KCTD10: variants seen among roughly 807,000 people sequenced by gnomAD.
KCTD10 encodes the protein potassium channel tetramerization domain containing 10.
Under a neutral mutation model 34.6 loss-of-function variants are expected in KCTD10, and 13 were observed. The observed-to-expected ratio is 0.38, with a 90% CI of 0.24 to 0.60. The LOEUF (loss-of-function observed/expected upper bound fraction) is 0.60. Among genes scored for constraint, KCTD10 ranks in the 20% least tolerant of loss-of-function variants. The probability of loss-of-function intolerance (pLI) is 0.66; values close to 1 mark genes in which losing one functional copy is unlikely to be tolerated. For missense variants in KCTD10, 256 were observed against 420.3 expected (o/e 0.61, Z 3.42); for synonymous variants, 156 against 168.8 (o/e 0.92, Z 0.59).
Position 109,455,922 on chromosome 12 carries a change from G to A in KCTD10, c.723+196C>T, listed in dbSNP as rs574326502. Among the ~76,000 whole-genome samples the A allele has an allele frequency of 6.6e-4, 100 of 152,306 alleles. 1 individual carries two copies. The highest frequency in any genetic ancestry group is 2.5e-3 in the Admixed American group (38 of 15,290). ...TGGAAGGAAGCCAGCAAGGTAGGGA[G>A]CTAAAGGAATGCCAGATGAACCCTA... is the stretch of plus-strand genomic sequence containing the variant. On this transcript the variant is annotated intron_variant, in intron 6 of 6. Coordinates refer to ENST00000228495, the MANE Select transcript of KCTD10 (RefSeq NM_031954.5).
intron 2 of KCTD10, among the ~76,000 whole-genome samples, chr12:109,468,728 C>T (rs1873720782): frequency 6.6e-6 from 1 of 150,866 alleles, no homozygotes; most frequent in Non-Finnish European, 1.5e-5. Flanking sequence ...TCTCAGCTCA[C>T]TGCAAGCTCC....
intron 2 of KCTD10, among the ~76,000 whole-genome samples, chr12:109,461,587 C>T (rs531212106): frequency 1.3e-3 from 204 of 152,282 alleles, no homozygotes; most frequent in African/African-American, 4.8e-3. Flanking sequence ...AGCTGACATT[C>T]CTCCACCAGA....
intron 6 of KCTD10, among the ~76,000 whole-genome samples, chr12:109,452,533 C>T (rs1044060438): frequency 3.9e-5 from 6 of 152,210 alleles, no homozygotes; most frequent in Admixed American, 6.5e-5. Context: ...GGGTGGAATT[C>T]GGAGGTTCTG....
chr12:109,470,606 G>A, intron 1 of KCTD10: 1 of 985,328 alleles, frequency 1.0e-6, no homozygotes, highest in East Asian at 1.1e-4. Context: ...TGAATCTGGG[G>A]TAGCCCCCAC....
At chr12:109,452,206 A>G (rs1872807694) in intron 6 of KCTD10, among the ~76,000 whole-genome samples, 1 of 152,210 alleles carries the variant, frequency 6.6e-6, no homozygotes, top group African/African-American at 2.4e-5. Context: ...TAACCTAGAG[A>G]TCATTCTGTA....
At chr12:109,463,902 T>G (rs1201492217) in intron 2 of KCTD10, among the ~76,000 whole-genome samples, 1 of 152,214 alleles carries the variant, frequency 6.6e-6, no homozygotes, top group South Asian at 2.1e-4. Context: ...TCTTTCATCA[T>G]TATTGCTGGA....
In KCTD10 at chr12:109,460,439, G is replaced by A; in HGVS notation, c.387+197C>T. On this transcript the variant is annotated intron_variant, in intron 3 of 6. Coordinates refer to ENST00000228495, the MANE Select transcript of KCTD10 (RefSeq NM_031954.5). The surrounding 1 kb of genome is among the most constrained non-coding windows in gnomAD (Gnocchi z 4.5). ...TGGGGCTGCAAGGAGTGACACAGTA[G>A]TTAGGTGGCCTGCTGTTCCAGGGAG... 1.7e-6 allele frequency: 1 copy of A among 588,268 alleles called. No homozygotes were observed. 36.4% of individuals were successfully genotyped at this position (588,268 alleles called of 1,614,324 possible).
chr12:109,472,511 T>TA (rs36004776), intron 1 of KCTD10, among the ~76,000 whole-genome samples: 10,400 of 144,502 alleles, frequency 0.072, 558 homozygotes, highest in Admixed American at 0.19. Context: ...AGTTTTCACT[T>TA]AAAAAAAAAA....
At chr12:109,463,206 T>G (rs1990714) in intron 2 of KCTD10, among the ~76,000 whole-genome samples, 12,985 of 152,232 alleles carry the variant, frequency 0.085, 1,296 homozygotes, top group African/African-American at 0.24. Flanking sequence ...CTCAGCTGCT[T>G]GGGAAGACCC....
rs561260011 is a variant in KCTD10 at position 109,460,448 on chromosome 12, C to A, written c.387+188G>T. The A allele has an allele frequency of 4.2e-5, 25 of 594,682 alleles. No individual in the cohort carries two copies. In the East Asian group the frequency reaches 6.6e-4, roughly 16 times the overall value. 36.8% of individuals were successfully genotyped at this position (594,682 alleles called of 1,614,324 possible). ...AAGGAGTGACACAGTAGTTAGGTGGCCTGCTGTTCCAGGGAGGCCTCTCAG... is the reference window on the plus strand; with the variant it reads ...AAGGAGTGACACAGTAGTTAGGTGGACTGCTGTTCCAGGGAGGCCTCTCAG... On this transcript the variant is annotated intron_variant, in intron 3 of 6. Coordinates refer to ENST00000228495, the MANE Select transcript of KCTD10 (RefSeq NM_031954.5). This position sits in a 1 kb window ranked among gnomAD's most constrained non-coding sequence, Gnocchi z 4.5.
At chr12:109,454,485 T>C (rs1251721614) in intron 6 of KCTD10, among the ~76,000 whole-genome samples, 1 of 152,096 alleles carries the variant, frequency 6.6e-6, no homozygotes, top group East Asian at 1.9e-4. Context: ...TCCCAACACT[T>C]TGGGAGGCCA....
At chr12:109,471,017 AC>A in intron 1 of KCTD10, 1 of 619,498 alleles carries the variant, frequency 1.6e-6, no homozygotes. Flanking sequence ...GTTCTTCCCC[AC>A]CCCAATGCAA....
chr12:109,473,052 G>A (rs1873965245), intron 1 of KCTD10, among the ~76,000 whole-genome samples: 1 of 152,138 alleles, frequency 6.6e-6, no homozygotes, highest in East Asian at 1.9e-4. Context: ...TTCAAACAAT[G>A]CTGGAAGACA....
At chr12:109,468,566 G>T (rs1162133083) in intron 2 of KCTD10, among the ~76,000 whole-genome samples, 1 of 152,118 alleles carries the variant, frequency 6.6e-6, no homozygotes, top group African/African-American at 2.4e-5. Context: ...AGCCAGGTAA[G>T]GATGGAGCCC....
At chr12:109,468,329 C>A (rs139231135) in intron 2 of KCTD10, among the ~76,000 whole-genome samples, 98 of 152,264 alleles carry the variant, frequency 6.4e-4, no homozygotes, top group African/African-American at 2.3e-3. Flanking sequence ...CTGTGGGACA[C>A]CAGGCTTAGG....
At chr12:109,456,081 G>T (rs1873003660) in intron 6 of KCTD10, 37 bp downstream of exon 6, 1 of 1,600,210 alleles carries the variant, frequency 6.2e-7, no homozygotes, top group South Asian at 1.1e-5. Context: ...GTGTGTTTCA[G>T]AACAGCCACT....
chr12:109,470,373 C>T, intron 1 of KCTD10: 4 of 985,558 alleles, frequency 4.1e-6, no homozygotes, highest in Non-Finnish European at 4.8e-6. Flanking sequence ...AAAATTAGAC[C>T]TCCTAGACTA....
intron 1 of KCTD10, among the ~76,000 whole-genome samples, chr12:109,472,247 ATT>A (rs1246609553): frequency 6.6e-6 from 1 of 152,074 alleles, no homozygotes; most frequent in East Asian, 1.9e-4. Flanking sequence ...GTACAAAAAT[ATT>A]TTCTTTCTTT....
chr12:109,455,740 G>T lies in KCTD10; in HGVS notation c.723+378C>A, dbSNP rs370961325. Among the ~76,000 whole-genome samples the T allele has an allele frequency of 2.6e-5, 4 of 152,316 alleles. No homozygotes were observed. The South Asian group carries it at 8.3e-4, about 32-fold the overall frequency. On this transcript the variant is annotated intron_variant, in intron 6 of 6. Transcript: ENST00000228495. The stretch of plus-strand genomic sequence containing the variant: ...AAAAGGGCAGGCAAATTCAATTAAG[G>T]GGGGGCCAGATCTCTAGCAGCACTA...
Sources: gnomAD v4.1 joint callset for allele counts (sites outside exome capture counted in the v4.1 genomes callset) on GRCh38, gnomAD v4.1.1 for gene constraint, Gnocchi (gnomAD v3.1) non-coding constraint, MANE v1.5 for transcripts, NCBI Gene and HGNC (gene_info 2026-07-23, HGNC 2026-07-21) for gene names.